Variants in FNDC3A observed in about 807,000 individuals in gnomAD.
FNDC3A encodes the protein fibronectin type III domain containing 3A.
A neutral mutation model predicts 148.9 loss-of-function variants in FNDC3A; 32 were observed. The ratio of observed to expected loss-of-function variants is 0.21; its 90% CI spans 0.16 to 0.29. FNDC3A has a LOEUF of 0.29. Ranked by LOEUF, FNDC3A falls within the 10% of genes least tolerant of loss-of-function variation. The pLI is 1.00. For missense variants in FNDC3A, 1,191 were observed against 1,452.8 expected (o/e 0.82, Z 2.93); for synonymous variants, 472 against 473.6 (o/e 1.00, Z 0.04).
chr13:49,135,570 A>G (rs1302340908), intron 5 of FNDC3A, among the ~76,000 whole-genome samples: 1 of 152,184 alleles, frequency 6.6e-6, no homozygotes, highest in Non-Finnish European at 1.5e-5. Flanking sequence ...ACATATCCTT[A>G]TAATACTCAT....
chr13:49,197,234 A>G (rs1015016844), intron 20 of FNDC3A, among the ~76,000 whole-genome samples: 3 of 152,228 alleles, frequency 2.0e-5, no homozygotes, highest in Admixed American at 2.0e-4. Context: ...GCTTTGTCTC[A>G]GTACTGAGAT....
chr13:49,024,375 T>C (rs919499335), intron 2 of FNDC3A, among the ~76,000 whole-genome samples: 4 of 151,896 alleles, frequency 2.6e-5, no homozygotes, highest in Non-Finnish European at 4.4e-5. Context: ...ACCATTTCCA[T>C]GAGGCAAACA....
chr13:49,105,539 G>A (rs1880121868), intron 3 of FNDC3A, among the ~76,000 whole-genome samples: 1 of 152,130 alleles, frequency 6.6e-6, no homozygotes, highest in Non-Finnish European at 1.5e-5. Context: ...TCTAGACTAG[G>A]TAAGTATTTC....
intron 1 of FNDC3A, among the ~76,000 whole-genome samples, chr13:49,001,478 C>G (rs895465635): frequency 6.6e-6 from 1 of 152,218 alleles, no homozygotes; most frequent in African/African-American, 2.4e-5. Flanking sequence ...TAACCTTAAA[C>G]TCTGACTGCC....
At chr13:48,991,666 T>A (rs534657122) in intron 1 of FNDC3A, among the ~76,000 whole-genome samples, 5 of 150,506 alleles carry the variant, frequency 3.3e-5, no homozygotes, top group African/African-American at 1.2e-4. Context: ...CCAGCCTGAG[T>A]GACACAGCAA....
chr13:49,194,025 C>A (rs143465141), intron 19 of FNDC3A, among the ~76,000 whole-genome samples: 191 of 152,236 alleles, frequency 1.3e-3, no homozygotes, highest in African/African-American at 4.3e-3. Context: ...CTTGGGGAGG[C>A]CGAGGCTGGC....
chr13:48,997,521 T>G (rs1952045009), intron 1 of FNDC3A, among the ~76,000 whole-genome samples: 1 of 152,020 alleles, frequency 6.6e-6, no homozygotes. Context: ...ATAATTTGGC[T>G]TAGAGGAGAG....
At chr13:49,138,843 A>G (rs1453067715) in intron 7 of FNDC3A, 38 bp downstream of exon 7, 4 of 1,061,226 alleles carry the variant, frequency 3.8e-6, no homozygotes, top group Admixed American at 2.3e-5. Flanking sequence ...TTTATATTTA[A>G]TATATTAGCA....
At chr13:48,980,761 C>T (rs1389163199) in intron 1 of FNDC3A, among the ~76,000 whole-genome samples, 1 of 152,110 alleles carries the variant, frequency 6.6e-6, no homozygotes, top group Non-Finnish European at 1.5e-5. Context: ...TGTGGCTGCA[C>T]AAATCAATTG....
At chr13:49,020,000 G>C (rs1302985172) in intron 2 of FNDC3A, among the ~76,000 whole-genome samples, 1 of 152,174 alleles carries the variant, frequency 6.6e-6, no homozygotes, top group Non-Finnish European at 1.5e-5. Flanking sequence ...TGCATACTGT[G>C]AATACTTCAT....
In FNDC3A at chr13:49,198,555, A is replaced by T. The variant is rs1274799830; in HGVS notation, c.2968A>T (p.Met990Leu). ...CGATTCTATTCAGTACCACCTTCAG[A>T]TGGAGGATAAGAATGGACGGTAGGT... The part of the protein sequence containing the change: ...STDSIQYHLQ[M>L]EDKNGRFVSL... Residue 990 changes from methionine (M) to leucine (L), a missense_variant, in exon 23 of 26, where the codon ATG becomes TTG. Transcript: ENST00000492622. 2 of 1,613,286 alleles carry T rather than the reference A, an allele frequency of 1.2e-6. No homozygotes were observed. The highest frequency in any genetic ancestry group is 1.7e-6 in the Non-Finnish European group (2 of 1,179,196).
intron 2 of FNDC3A, among the ~76,000 whole-genome samples, chr13:49,018,468 C>T (rs569669320): frequency 1.3e-5 from 2 of 152,316 alleles, no homozygotes; most frequent in Admixed American, 1.3e-4. Context: ...CCTTTAAGCA[C>T]TTCTCTGTAT....
At chr13:49,037,770 G>T (rs1458894321) in intron 2 of FNDC3A, among the ~76,000 whole-genome samples, 1 of 152,134 alleles carries the variant, frequency 6.6e-6, no homozygotes, top group Admixed American at 6.5e-5. Context: ...GCGGGAACTC[G>T]CAGATGGGCA....
At chr13:49,056,843 TTTTTAAACA>T (rs1224537925) in intron 2 of FNDC3A, among the ~76,000 whole-genome samples, 5 of 152,332 alleles carry the variant, frequency 3.3e-5, no homozygotes, top group Non-Finnish European at 5.9e-5. Context: ...TATTTAGACA[TTTTTAAACA>T]TTTTAAACAT....
intron 4 of FNDC3A, among the ~76,000 whole-genome samples, chr13:49,128,355 C>T (rs1881829091): frequency 6.6e-6 from 1 of 152,112 alleles, no homozygotes. Context: ...CCAGAATAGT[C>T]CTGTCAAATA....
At chr13:49,046,853 G>GT (rs11399501) in intron 2 of FNDC3A, 48,511 of 149,970 alleles carry the variant, frequency 0.32, 7,837 homozygotes, top group South Asian at 0.47. Context: ...AAGTTAAAAA[G>GT]TTTTTTTTTT....
chr13:49,020,137 TATG>T (rs914718294), intron 2 of FNDC3A, among the ~76,000 whole-genome samples: 1 of 152,216 alleles, frequency 6.6e-6, no homozygotes, highest in African/African-American at 2.4e-5. Context: ...TTTAAGCACT[TATG>T]ATCAGGCATT....
Position 49,003,360 on chromosome 13 carries a change from C to T in FNDC3A, c.-39-2792C>T, listed in dbSNP as rs9596052. ...AATTACAGGCATGAACCACTGCACC[C>T]GGCCACATTTCTACTTTTGTGGAGA... is the stretch of plus-strand genomic sequence containing the variant. On this transcript the variant is annotated intron_variant, in intron 1 of 25. Transcript: ENST00000492622. Among the ~76,000 whole-genome samples the T allele has an allele frequency of 3.9e-3, 593 of 152,272 alleles. 4 individuals are homozygous for T. The highest frequency in any genetic ancestry group is 0.013 in the African/African-American group (555 of 41,566).
intron 23 of FNDC3A, 108 bp from the exon 24 acceptor site, chr13:49,201,692 C>T (rs979193029): frequency 2.1e-6 from 1 of 479,414 alleles, no homozygotes; most frequent in Admixed American, 4.2e-5. Flanking sequence ...GGTAACTTAT[C>T]ACTCCTAAAT....
Sources: allele counts gnomAD v4.1 joint callset (sites outside exome capture counted in the v4.1 genomes callset), GRCh38; gene constraint gnomAD v4.1.1; transcripts MANE v1.5; gene names NCBI Gene and HGNC (gene_info 2026-07-23, HGNC 2026-07-21).